The following CEMIP variants were observed in gnomAD, a reference collection of about 807,000 sequenced individuals.
The protein encoded by CEMIP is cell migration inducing hyaluronidase 1, also known as cell migration-inducing and hyaluronan-binding protein.
A neutral mutation model predicts 156.9 loss-of-function variants in CEMIP; 105 were observed. The ratio of observed to expected loss-of-function variants is 0.67; its 90% CI spans 0.57 to 0.79. The LOEUF (loss-of-function observed/expected upper bound fraction) is 0.79, where lower values mean the gene tolerates loss of function less well. Ranked by LOEUF, CEMIP falls within the 30% of genes least tolerant of loss-of-function variation. CEMIP has a pLI of 0.00. For synonymous variants in CEMIP, 676 were observed against 668.4 expected (o/e 1.01, Z -0.17); for missense variants, 1,457 against 1,769.4 (o/e 0.82, Z 3.17).
intron 23 of CEMIP, among the ~76,000 whole-genome samples, chr15:80,934,877 G>T (rs1023053913): frequency 6.6e-6 from 1 of 152,236 alleles, no homozygotes; most frequent in African/African-American, 2.4e-5. Context: ...GATGTCATGT[G>T]CTGAGAATGT....
intron 1 of CEMIP, among the ~76,000 whole-genome samples, chr15:80,865,868 G>C (rs570795885): frequency 3.6e-4 from 54 of 152,080 alleles, no homozygotes; most frequent in Non-Finnish European, 6.3e-4. Context: ...TTGCTGGGAG[G>C]GTCATGTGCA....
At chr15:80,801,070 C>T (rs1896363767) in intron 1 of CEMIP, among the ~76,000 whole-genome samples, 2 of 152,232 alleles carry the variant, frequency 1.3e-5, no homozygotes, top group African/African-American at 4.8e-5. Flanking sequence ...GCTTTCTCTG[C>T]TCAATCATCT....
chr15:80,914,269 A>G (rs1299863475), intron 14 of CEMIP, among the ~76,000 whole-genome samples: 1 of 152,258 alleles, frequency 6.6e-6, no homozygotes, highest in African/African-American at 2.4e-5. Flanking sequence ...AATGACTTCA[A>G]TATGGGTTCT....
intron 28 of CEMIP, among the ~76,000 whole-genome samples, chr15:80,944,336 G>A (rs1901457165): frequency 6.6e-6 from 1 of 152,040 alleles, no homozygotes; most frequent in Non-Finnish European, 1.5e-5. Flanking sequence ...CAATAGGTCT[G>A]GTGGACACAT....
chr15:80,831,287 G>A (rs575637556), intron 1 of CEMIP, among the ~76,000 whole-genome samples: 49 of 152,272 alleles, frequency 3.2e-4, no homozygotes, highest in African/African-American at 1.2e-3. Context: ...TATCGTGGGA[G>A]AGGCTCAGAG....
chr15:80,895,097 T>C lies in CEMIP; in HGVS notation c.1194T>C (p.Arg398=). 2 of 1,614,198 alleles carry C rather than the reference T, an allele frequency of 1.2e-6. No individual in the cohort carries two copies. The highest frequency in any genetic ancestry group is 1.7e-6 in the Non-Finnish European group (2 of 1,180,028). ...GGGGCAGAGCCTGCCGGAGCTACCG[T>C]GTACGGTTCCTCTGTGGGAAGCCTG... ...YDRGRACRSY[R]VRFLCGKPVR... Residue 398 remains arginine, a synonymous_variant, in exon 11 of 30, where the codon CGT becomes CGC. Coordinates refer to ENST00000394685, the MANE Select transcript of CEMIP (RefSeq NM_001293298.2).
chr15:80,928,769 G>A, intron 19 of CEMIP, 133 bp from the exon 20 acceptor site: 5 of 1,130,942 alleles, frequency 4.4e-6, no homozygotes, highest in Non-Finnish European at 6.6e-6. Flanking sequence ...GCACGACTCT[G>A]CTTATGTAGA....
At chr15:80,942,587 G>T (rs1334823031) in intron 27 of CEMIP, among the ~76,000 whole-genome samples, 4 of 152,168 alleles carry the variant, frequency 2.6e-5, no homozygotes, top group African/African-American at 7.2e-5. Context: ...TCTCCTGAGT[G>T]TCTGCGTCTC....
At chr15:80,867,754 T>C (rs994107136) in intron 1 of CEMIP, among the ~76,000 whole-genome samples, 10 of 152,126 alleles carry the variant, frequency 6.6e-5, no homozygotes, top group African/African-American at 2.4e-4. Flanking sequence ...TGTCTCCCAT[T>C]TCCTTCTTCT....
chr15:80,890,975 G>A (rs536610949), intron 10 of CEMIP, among the ~76,000 whole-genome samples: 34 of 152,324 alleles, frequency 2.2e-4, no homozygotes, highest in Non-Finnish European at 4.1e-4. Context: ...GGGTCCAACA[G>A]AATCAAAAAG....
At chr15:80,947,310 T>C (rs949886666) in intron 29 of CEMIP, 12 of 492,092 alleles carry the variant, frequency 2.4e-5, no homozygotes, top group African/African-American at 1.9e-4. Flanking sequence ...AGAAAATTGC[T>C]ATATTTGTTG....
intron 14 of CEMIP, among the ~76,000 whole-genome samples, chr15:80,913,125 C>T (rs980525139): frequency 6.6e-6 from 1 of 152,166 alleles, no homozygotes; most frequent in Non-Finnish European, 1.5e-5. Context: ...CTCCTCTCTC[C>T]CTGCTGCCTG....
intron 1 of CEMIP, among the ~76,000 whole-genome samples, chr15:80,841,202 A>C (rs1411118034): frequency 6.6e-6 from 1 of 152,130 alleles, no homozygotes; most frequent in Non-Finnish European, 1.5e-5. Context: ...GTTTGTATGA[A>C]ACTTCCCCAA....
intron 1 of CEMIP, among the ~76,000 whole-genome samples, chr15:80,833,128 A>C (rs1897194309): frequency 6.6e-6 from 1 of 152,228 alleles, no homozygotes; most frequent in Admixed American, 6.5e-5. Flanking sequence ...ATGCACAGAC[A>C]GGGGAATTAG....
At position 80,909,081 on chromosome 15, in the gene CEMIP, G is replaced by C. The variant is rs367612381; in HGVS notation, c.1588-16G>C. The C allele has an allele frequency of 6.2e-7, 1 of 1,612,780 alleles. No homozygotes were observed. The highest frequency in any genetic ancestry group is 1.7e-5 in the Admixed American group (1 of 60,000). The stretch of plus-strand genomic sequence containing the variant: ...CATCTCATGGGCTCCTCTGACTCTC[G>C]GTTCTCCTCTCCTAGTTTGCTCTGG... On this transcript the variant is annotated splice_polypyrimidine_tract_variant and intron_variant, in intron 13 of 29. Coordinates refer to ENST00000394685, the MANE Select transcript of CEMIP (RefSeq NM_001293298.2).
chr15:80,816,099 C>T (rs1008928594), intron 1 of CEMIP, among the ~76,000 whole-genome samples: 3 of 152,024 alleles, frequency 2.0e-5, no homozygotes, highest in East Asian at 1.9e-4. Context: ...GAAAAGTCAG[C>T]GCTATTTTTC....
chr15:80,856,943 A>T (rs1252084241), intron 1 of CEMIP, among the ~76,000 whole-genome samples: 1 of 152,302 alleles, frequency 6.6e-6, no homozygotes, highest in East Asian at 1.9e-4. Context: ...GGGCAGTAAA[A>T]CAGGCCTATG....
Position 80,932,616 on chromosome 15 carries a change from C to T in CEMIP, c.2793+577C>T, listed in dbSNP as rs1174592102. On this transcript the variant is annotated intron_variant, in intron 22 of 29. Transcript: ENST00000394685. This position sits in a 1 kb window ranked among gnomAD's most constrained non-coding sequence, Gnocchi z 4.5. ...CAGGTTATGGATTCCCAGACTTTTC[C>T]CTCCTTCTCCTCCCTGCTCCTGCCT... 6.6e-6 allele frequency among the ~76,000 whole-genome samples: 1 copy of T among 152,154 alleles called. No homozygotes were observed. Among genetic ancestry groups the T allele is most frequent in the Non-Finnish European group, 1.5e-5 (1 of 68,022 alleles).
chr15:80,831,617 G>A (rs1897159286), intron 1 of CEMIP, among the ~76,000 whole-genome samples: 1 of 152,154 alleles, frequency 6.6e-6, no homozygotes, highest in Non-Finnish European at 1.5e-5. Context: ...GGTCCCACGT[G>A]GAGATAGTGA....
Sources: gnomAD v4.1 joint callset for allele counts (sites outside exome capture counted in the v4.1 genomes callset) on GRCh38, gnomAD v4.1.1 for gene constraint, Gnocchi (gnomAD v3.1) non-coding constraint, MANE v1.5 for transcripts, NCBI Gene and HGNC (gene_info 2026-07-23, HGNC 2026-07-21) for gene names.